The following FTO variants were observed in gnomAD, a reference collection of about 807,000 sequenced individuals.
The protein encoded by FTO is FTO alpha-ketoglutarate dependent dioxygenase.
A neutral mutation model predicts 63.9 loss-of-function variants in FTO; 47 were observed. The ratio of observed to expected loss-of-function variants is 0.74; its 90% CI spans 0.58 to 0.94. The LOEUF (loss-of-function observed/expected upper bound fraction) is 0.94. Among genes scored for constraint, FTO ranks in the 40% least tolerant of loss-of-function variants. The pLI, the probability that FTO is intolerant of heterozygous loss-of-function variation, is 0.00. For missense variants in FTO, 562 were observed against 618.1 expected (o/e 0.91, Z 0.96); for synonymous variants, 207 against 224.4 (o/e 0.92, Z 0.69).
At chr16:54,035,299 G>T (rs144489290) in intron 8 of FTO, among the ~76,000 whole-genome samples, 2 of 152,286 alleles carry the variant, frequency 1.3e-5, no homozygotes, top group Non-Finnish European at 2.9e-5. Flanking sequence ...CCCCTACGAG[G>T]CTCCTTCTTC....
intron 8 of FTO, chr16:54,039,700 C>T (rs856982): frequency 0.46 from 70,571 of 152,022 alleles, 18,325 homozygotes; most frequent in African/African-American, 0.7. Context: ...ACCCAGTATG[C>T]GTTAGGTACT....
intron 8 of FTO, among the ~76,000 whole-genome samples, chr16:53,950,168 A>AAAT (rs1271584642): frequency 6.8e-6 from 1 of 147,742 alleles, no homozygotes; most frequent in African/African-American, 2.4e-5. Flanking sequence ...AAAAAAAAAA[A>AAAT]AAAAAAAAAA....
At chr16:53,758,016 T>A (rs2076962921) in intron 1 of FTO, among the ~76,000 whole-genome samples, 2 of 152,194 alleles carry the variant, frequency 1.3e-5, no homozygotes, top group Admixed American at 1.3e-4. Flanking sequence ...ATAAAATTAA[T>A]CAAAGGCATA....
At chr16:54,085,767 A>G (rs2086242690) in intron 8 of FTO, among the ~76,000 whole-genome samples, 1 of 152,156 alleles carries the variant, frequency 6.6e-6, no homozygotes, top group Non-Finnish European at 1.5e-5. Context: ...ATAGCAAGAA[A>G]CCTACATACC....
intron 8 of FTO, among the ~76,000 whole-genome samples, chr16:53,961,239 G>C (rs914086816): frequency 2.6e-5 from 4 of 152,014 alleles, no homozygotes; most frequent in Non-Finnish European, 4.4e-5. Context: ...CCCCCAGATA[G>C]AGTTATAGCG....
At chr16:53,733,820 C>G (rs2076327701) in intron 1 of FTO, among the ~76,000 whole-genome samples, 1 of 152,128 alleles carries the variant, frequency 6.6e-6, no homozygotes, top group Admixed American at 6.5e-5. Context: ...TAAGGATTTC[C>G]TCTAGAATTT....
intron 8 of FTO, chr16:53,979,603 CCCTT>C (rs1426309033): frequency 5.1e-6 from 2 of 388,962 alleles, no homozygotes; most frequent in South Asian, 1.4e-4. Context: ...CTACATTTTC[CCCTT>C]CCTTTTGTGG....
chr16:54,004,096 A>C (rs1242894644), intron 8 of FTO, among the ~76,000 whole-genome samples: 5 of 152,188 alleles, frequency 3.3e-5, no homozygotes, highest in Admixed American at 6.5e-5. Flanking sequence ...ACCCAAACTG[A>C]CTTTACTTTC....
At chr16:53,852,266 AC>A (rs1410358127) in intron 4 of FTO, among the ~76,000 whole-genome samples, 1 of 151,972 alleles carries the variant, frequency 6.6e-6, no homozygotes, top group African/African-American at 2.4e-5. Flanking sequence ...ACAGAGCAAG[AC>A]CTTGTCTCAA....
chr16:54,048,415 C>T (rs886304118), intron 8 of FTO, among the ~76,000 whole-genome samples: 2 of 151,936 alleles, frequency 1.3e-5, no homozygotes, highest in African/African-American at 2.4e-5. Flanking sequence ...AGGCAAAAGT[C>T]GTTTTGATAT....
chr16:53,890,970 A>G, intron 7 of FTO, among the ~76,000 whole-genome samples: 1 of 152,146 alleles, frequency 6.6e-6, no homozygotes, highest in Non-Finnish European at 1.5e-5. Flanking sequence ...GTTGAAGAGC[A>G]AATAAGAAAG....
chr16:53,835,891 A>ATTT (rs201374598), intron 3 of FTO, among the ~76,000 whole-genome samples: 2,744 of 134,054 alleles, frequency 0.02, 96 homozygotes, highest in African/African-American at 0.061. Flanking sequence ...CTGTCTATTG[A>ATTT]TTTTTTTTTT....
chr16:53,980,006 C>T (rs769107740), intron 8 of FTO, among the ~76,000 whole-genome samples: 8 of 152,166 alleles, frequency 5.3e-5, no homozygotes, highest in Non-Finnish European at 8.8e-5. Context: ...TTATGATGCT[C>T]ACCAGTAAAA....
chr16:53,721,877 A>T (rs1453218306), intron 1 of FTO, among the ~76,000 whole-genome samples: 1 of 152,122 alleles, frequency 6.6e-6, no homozygotes, highest in African/African-American at 2.4e-5. Flanking sequence ...AAAAAGTATA[A>T]TTTTTTGAAA....
At chr16:54,085,189 G>A (rs545739861) in intron 8 of FTO, among the ~76,000 whole-genome samples, 3 of 152,322 alleles carry the variant, frequency 2.0e-5, no homozygotes, top group South Asian at 4.1e-4. Flanking sequence ...TACTTCTGTA[G>A]GAAAGAACTC....
Position 53,904,899 on chromosome 16 carries a change from C to T in FTO, c.1239+15948C>T, listed in dbSNP as rs536825970. 1.5e-4 allele frequency among the ~76,000 whole-genome samples: 23 copies of T among 152,104 alleles called. 1 individual carries two copies. The South Asian group carries it at 4.8e-3, about 32-fold the overall frequency. On this transcript the variant is annotated intron_variant, in intron 7 of 8. Transcript: ENST00000471389. ...GGCCTTTTCCTGCTTGGCTATGGAA[C>T]TGCAGGTTGAAGCCTTTACCTTGCA...
chr16:53,744,330 A>G (rs2076597733), intron 1 of FTO, among the ~76,000 whole-genome samples: 1 of 152,130 alleles, frequency 6.6e-6, no homozygotes. Context: ...TTTTACCCAA[A>G]TTTAGATTCT....
intron 1 of FTO, among the ~76,000 whole-genome samples, chr16:53,806,742 C>A (rs895214392): frequency 6.6e-6 from 1 of 152,030 alleles, no homozygotes. Context: ...AGCTTTTTTT[C>A]TACAAGTAAT....
chr16:53,896,638 A>G (rs2081285292), intron 7 of FTO, among the ~76,000 whole-genome samples: 1 of 152,204 alleles, frequency 6.6e-6, no homozygotes, highest in Admixed American at 6.5e-5. Flanking sequence ...TTTGTAAAAT[A>G]TAAAACATAC....
Sources: gnomAD v4.1 joint callset for allele counts (sites outside exome capture counted in the v4.1 genomes callset) on GRCh38, gnomAD v4.1.1 for gene constraint, MANE v1.5 for transcripts, NCBI Gene and HGNC (gene_info 2026-07-23, HGNC 2026-07-21) for gene names.